PEBP4: variants seen among roughly 807,000 people sequenced by gnomAD.
PEBP4 encodes the protein phosphatidylethanolamine binding protein 4.
A neutral mutation model predicts 23.9 loss-of-function variants in PEBP4; 22 were observed. The ratio of observed to expected loss-of-function variants is 0.92; its 90% CI spans 0.66 to 1.31. PEBP4 has a LOEUF of 1.31. Ranked by LOEUF, PEBP4 falls within the 40% of genes most tolerant of loss-of-function variation. The pLI is 0.00. For synonymous variants in PEBP4, 112 were observed against 99.3 expected (o/e 1.13, Z -0.76); for missense variants, 324 against 281.7 (o/e 1.15, Z -1.07).
At chr8:22,916,257 CAAG>C (rs1300819520) in intron 3 of PEBP4, among the ~76,000 whole-genome samples, 1 of 152,212 alleles carries the variant, frequency 6.6e-6, no homozygotes, top group African/African-American at 2.4e-5. Flanking sequence ...AGCCCCCAGT[CAAG>C]AAGCTTCTCA....
intron 4 of PEBP4, among the ~76,000 whole-genome samples, chr8:22,763,316 T>G (rs150434968): frequency 2.6e-5 from 4 of 152,212 alleles, no homozygotes; most frequent in Non-Finnish European, 2.9e-5. Context: ...GAAGAAGTCT[T>G]AAACCCCTTG....
rs13267379 is a variant in PEBP4, at chr8:22,875,300, A to G, written c.258+44884T>C. On this transcript the variant is annotated intron_variant, in intron 3 of 6. Transcript: ENST00000256404. ...AATAATGTATATGTGAGCCCCTTTT[A>G]TTTTCTTTTTCCCCTTTCTTCTTTT... 8.3e-3 allele frequency among the ~76,000 whole-genome samples: 1,254 copies of G among 151,976 alleles called. 13 individuals are homozygous for G. The highest frequency in any genetic ancestry group is 0.028 in the African/African-American group (1,178 of 41,434).
At chr8:22,795,163 ATTTTTTTTTTTTT>A (rs33911395) in intron 4 of PEBP4, among the ~76,000 whole-genome samples, 50 of 47,296 alleles carry the variant, frequency 1.1e-3, no homozygotes, top group South Asian at 3.6e-3. Flanking sequence ...ATATATATAT[ATTTTTTTTTTTTT>A]TTTTTTTTTT....
intron 4 of PEBP4, among the ~76,000 whole-genome samples, chr8:22,794,370 C>T (rs1204026053): frequency 6.6e-6 from 1 of 152,068 alleles, no homozygotes; most frequent in East Asian, 1.9e-4. Flanking sequence ...CTGCTCACTG[C>T]AACCTCTGCC....
chr8:22,764,319 G>C (rs889376381), intron 4 of PEBP4, among the ~76,000 whole-genome samples: 4 of 152,120 alleles, frequency 2.6e-5, no homozygotes, highest in African/African-American at 9.7e-5. Flanking sequence ...TCCCAATGCT[G>C]ATCTCCACCT....
At chr8:22,750,193 G>T (rs1024165713) in intron 4 of PEBP4, among the ~76,000 whole-genome samples, 1 of 151,180 alleles carries the variant, frequency 6.6e-6, no homozygotes, top group African/African-American at 2.4e-5. Flanking sequence ...CCTCCACCTC[G>T]CGGGTTCAAG....
intron 4 of PEBP4, among the ~76,000 whole-genome samples, chr8:22,793,902 A>G (rs1435722797): frequency 6.6e-6 from 1 of 152,230 alleles, no homozygotes; most frequent in Non-Finnish European, 1.5e-5. Context: ...GGTTTTTAAC[A>G]ATTTACACTC....
At chr8:22,786,743 T>G (rs1200765033) in intron 4 of PEBP4, among the ~76,000 whole-genome samples, 1 of 152,026 alleles carries the variant, frequency 6.6e-6, no homozygotes, top group East Asian at 1.9e-4. Context: ...GCACACTTCA[T>G]ACAAAGCTCC....
intron 3 of PEBP4, chr8:22,888,017 C>T (rs1308633574): frequency 6.6e-6 from 1 of 152,120 alleles, no homozygotes; most frequent in Non-Finnish European, 1.5e-5. Context: ...TGAGTGCTCT[C>T]ATTTTAATTG....
intron 4 of PEBP4, among the ~76,000 whole-genome samples, chr8:22,816,897 T>C (rs1806752602): frequency 6.6e-6 from 1 of 152,142 alleles, no homozygotes; most frequent in Non-Finnish European, 1.5e-5. Flanking sequence ...TCAGTGTATA[T>C]GATATAGAGC....
intron 3 of PEBP4, among the ~76,000 whole-genome samples, chr8:22,824,269 GAA>G (rs34367097): frequency 6.6e-6 from 1 of 150,980 alleles, no homozygotes; most frequent in African/African-American, 2.4e-5. Context: ...TGCACTCAAG[GAA>G]AAAAAAAGTC....
intron 4 of PEBP4, among the ~76,000 whole-genome samples, chr8:22,751,339 G>C (rs1805252552): frequency 1.3e-5 from 2 of 152,178 alleles, no homozygotes; most frequent in African/African-American, 4.8e-5. Flanking sequence ...GCCACTCTTG[G>C]GGGTGGTCGG....
intron 6 of PEBP4, among the ~76,000 whole-genome samples, chr8:22,720,867 C>T (rs1563193436): frequency 6.6e-6 from 1 of 152,236 alleles, no homozygotes; most frequent in Admixed American, 6.5e-5. Flanking sequence ...GACACCATCA[C>T]ATGGTGACTT....
At chr8:22,721,995 G>A (rs1390832213) in intron 6 of PEBP4, among the ~76,000 whole-genome samples, 1 of 152,166 alleles carries the variant, frequency 6.6e-6, no homozygotes, top group Non-Finnish European at 1.5e-5. Context: ...CTCTGGTGGT[G>A]TCCTGTCCTC....
chr8:22,940,971 C>A (rs1213251506), intron 1 of PEBP4, among the ~76,000 whole-genome samples: 1 of 152,096 alleles, frequency 6.6e-6, no homozygotes, highest in Non-Finnish European at 1.5e-5. Context: ...AGGTTTCTGG[C>A]CTGGAGAACG....
intron 3 of PEBP4, among the ~76,000 whole-genome samples, chr8:22,849,572 T>G (rs1431938037): frequency 6.6e-6 from 1 of 152,228 alleles, no homozygotes; most frequent in East Asian, 1.9e-4. Flanking sequence ...GGTGTTTCCG[T>G]GCCCACTGCC....
At chr8:22,877,115 C>G (rs1808136620) in intron 3 of PEBP4, among the ~76,000 whole-genome samples, 1 of 152,148 alleles carries the variant, frequency 6.6e-6, no homozygotes, top group East Asian at 1.9e-4. Flanking sequence ...ATGTTTTGGT[C>G]TTTTCTTTCC....
Position 22,803,396 on chromosome 8 carries a change from G to A in PEBP4, c.357+14241C>T, listed in dbSNP as rs530769474. 3.3e-5 allele frequency among the ~76,000 whole-genome samples: 5 copies of A among 152,176 alleles called. No individual in the cohort carries two copies. In the South Asian group the frequency reaches 8.3e-4, roughly 25 times the overall value. ...CTAAAAGGCACCTCTGGCTGGGCAC[G>A]GTGGCTCACACCTGTAATCCCAGCA... On this transcript the variant is annotated intron_variant, in intron 4 of 6. Coordinates refer to ENST00000256404, the MANE Select transcript of PEBP4 (RefSeq NM_144962.3).
At chr8:22,791,926 G>T (rs1806148458) in intron 4 of PEBP4, among the ~76,000 whole-genome samples, 1 of 151,810 alleles carries the variant, frequency 6.6e-6, no homozygotes, top group Non-Finnish European at 1.5e-5. Flanking sequence ...GTGTGATCAT[G>T]GCTCACTGCA....
Sources: gnomAD v4.1 joint callset for allele counts (sites outside exome capture counted in the v4.1 genomes callset) on GRCh38, gnomAD v4.1.1 for gene constraint, MANE v1.5 for transcripts, NCBI Gene and HGNC (gene_info 2026-07-23, HGNC 2026-07-21) for gene names.